Variants in PRR5 observed in about 807,000 individuals in gnomAD.
The protein encoded by PRR5 is proline rich 5.
Under a neutral mutation model 30.6 loss-of-function variants are expected in PRR5, and 25 were observed. The observed-to-expected ratio is 0.82, with a 90% CI of 0.60 to 1.14. The LOEUF (loss-of-function observed/expected upper bound fraction) is 1.14, where lower values mean the gene tolerates loss of function less well. Ranked by LOEUF, PRR5 falls within the 50% of genes most tolerant of loss-of-function variation. PRR5 has a pLI of 0.00. For synonymous variants in PRR5, 286 were observed against 247.1 expected (o/e 1.16, Z -1.48); for missense variants, 600 against 547.1 (o/e 1.10, Z -0.96).
chr22:44,711,400 G>A (rs1373787666), intron 1 of PRR5, among the ~76,000 whole-genome samples: 2 of 152,128 alleles, frequency 1.3e-5, no homozygotes, highest in Non-Finnish European at 2.9e-5. Context: ...GCCTCAAGGG[G>A]GTAGTCAGGA....
upstream of PRR5, among the ~76,000 whole-genome samples, chr22:44,674,538 C>T (rs1368403122): frequency 2.0e-5 from 3 of 151,618 alleles, no homozygotes; most frequent in African/African-American, 7.3e-5. Context: ...CTGGCTAACA[C>T]GGTGAAACCC....
At chr22:44,734,845 C>T in intron 6 of PRR5, 182 bp from the exon 7 acceptor site, 1 of 771,460 alleles carries the variant, frequency 1.3e-6, no homozygotes, top group Non-Finnish European at 2.1e-6. Context: ...TGACTCAGGC[C>T]ACATGCTCTG....
chr22:44,702,620 C>T lies in PRR5; in HGVS notation c.134+12C>T. 3 of 1,287,340 alleles carry T rather than the reference C, an allele frequency of 2.3e-6. No homozygotes were observed. Among genetic ancestry groups the T allele is most frequent in the Non-Finnish European group, 3.0e-6 (3 of 1,013,532 alleles). 79.7% of individuals were successfully genotyped at this position (1,287,340 alleles called of 1,614,324 possible). The stretch of plus-strand genomic sequence containing the variant: ...GCCACCTGGAACAGGTAAGGCCGCG[C>T]CCTCCCGGCCACCCGGAGGCCCTGG... On this transcript the variant is annotated intron_variant, in intron 1 of 7. Coordinates refer to ENST00000336985, the MANE Select transcript of PRR5 (RefSeq NM_181333.4).
chr22:44,676,412 A>AAAAAAAAAAG (rs1569060698), upstream of PRR5, among the ~76,000 whole-genome samples: 46 of 148,532 alleles, frequency 3.1e-4, no homozygotes, highest in African/African-American at 1.1e-3. Context: ...AAAAAAAAAA[A>AAAAAAAAAAG]AAAGAAAGAA....
At chr22:44,723,988 A>G (rs979771920) in intron 2 of PRR5, among the ~76,000 whole-genome samples, 4 of 152,230 alleles carry the variant, frequency 2.6e-5, no homozygotes, top group Middle Eastern at 3.2e-3. Context: ...AAGTGTTGCA[A>G]TTGGTCAGTG....
chr22:44,713,168 C>T (rs966125027), intron 1 of PRR5, among the ~76,000 whole-genome samples: 3 of 152,178 alleles, frequency 2.0e-5, no homozygotes, highest in African/African-American at 7.2e-5. Context: ...CAGGCTGTGC[C>T]TGCTGGGCAA....
intron 2 of PRR5, among the ~76,000 whole-genome samples, chr22:44,715,835 A>G (rs963977393): frequency 6.6e-6 from 1 of 152,074 alleles, no homozygotes; most frequent in Non-Finnish European, 1.5e-5. Flanking sequence ...TATTTTTTGC[A>G]GAGATGGGAG....
chr22:44,704,338 G>A (rs986874680), intron 1 of PRR5, among the ~76,000 whole-genome samples: 1 of 152,124 alleles, frequency 6.6e-6, no homozygotes, highest in African/African-American at 2.4e-5. Flanking sequence ...CGGGTCCCCA[G>A]ACAGGTGGGG....
chr22:44,722,040 G>A (rs1193313359), intron 2 of PRR5, among the ~76,000 whole-genome samples: 2 of 152,218 alleles, frequency 1.3e-5, no homozygotes, highest in Admixed American at 6.5e-5. Flanking sequence ...AGGTCACGGG[G>A]ACAGTGGGAG....
intron 1 of PRR5, among the ~76,000 whole-genome samples, chr22:44,695,962 T>TTTG: frequency 9.4e-6 from 1 of 106,912 alleles, no homozygotes; most frequent in African/African-American, 3.7e-5. Flanking sequence ...ACAGAGTCCC[T>TTTG]CTCTGTCACC....
chr22:44,726,523 G>A, intron 3 of PRR5, 54 bp from the exon 4 acceptor site: 2 of 1,612,630 alleles, frequency 1.2e-6, no homozygotes, highest in South Asian at 2.2e-5. Flanking sequence ...TGCTGGCCAG[G>A]ACACCCCCGG....
chr22:44,684,186 T>C (rs1374386514), intron 1 of PRR5, among the ~76,000 whole-genome samples: 1 of 152,150 alleles, frequency 6.6e-6, no homozygotes, highest in Non-Finnish European at 1.5e-5. Flanking sequence ...GAGCCTGAGC[T>C]GTGAGCCCAG....
chr22:44,732,999 C>T (rs540298855), intron 6 of PRR5, among the ~76,000 whole-genome samples: 5 of 134,470 alleles, frequency 3.7e-5, no homozygotes, highest in South Asian at 2.6e-4. Context: ...TGTGCGCGCA[C>T]ACATACTACA....
chr22:44,678,088 G>T (rs1173317464), intron 1 of PRR5, among the ~76,000 whole-genome samples: 1 of 152,192 alleles, frequency 6.6e-6, no homozygotes, highest in Non-Finnish European at 1.5e-5. Context: ...GCGTGCAGCA[G>T]CTGTGAGAGG....
chr22:44,720,169 G>A (rs1391946126), intron 2 of PRR5, among the ~76,000 whole-genome samples: 3 of 152,226 alleles, frequency 2.0e-5, no homozygotes, highest in African/African-American at 7.2e-5. Flanking sequence ...CAGGGAGCCC[G>A]TGCTCAGCTC....
intron 2 of PRR5, among the ~76,000 whole-genome samples, chr22:44,718,297 C>T (rs5764972): frequency 0.36 from 52,850 of 147,972 alleles, 9,592 homozygotes; most frequent in South Asian, 0.56. Flanking sequence ...CGGGTTCAAG[C>T]GATTCTTGTG....
rs953302302 is a variant in PRR5 at position 44,737,293 on chromosome 22, C to T, written c.*46C>T. On this transcript the variant is annotated 3_prime_UTR_variant, in exon 8 of 8. Transcript: ENST00000336985. ...GTTTTTACTGACACGTCCCTGTGTG[C>T]GGGGGTGTCCATGTGGCGTGTGTGT... 5.2e-6 allele frequency: 8 copies of T among 1,551,066 alleles called. No homozygotes were observed. The highest frequency in any genetic ancestry group is 2.3e-5 in the East Asian group (1 of 44,068).
At chr22:44,723,481 A>G (rs1239700987) in intron 2 of PRR5, among the ~76,000 whole-genome samples, 1 of 152,162 alleles carries the variant, frequency 6.6e-6, no homozygotes, top group Non-Finnish European at 1.5e-5. Context: ...GCACTTTGGG[A>G]GTCCGAGGCA....
At chr22:44,735,400 G>A (rs774677782) in intron 7 of PRR5, among the ~76,000 whole-genome samples, 21 of 152,214 alleles carry the variant, frequency 1.4e-4, no homozygotes, top group African/African-American at 1.9e-4. Flanking sequence ...CCAGACCTCC[G>A]TGTTCCCCAG....
Sources: gnomAD v4.1 joint callset for allele counts (sites outside exome capture counted in the v4.1 genomes callset) on GRCh38, gnomAD v4.1.1 for gene constraint, MANE v1.5 for transcripts, NCBI Gene and HGNC (gene_info 2026-07-23, HGNC 2026-07-21) for gene names.